The following GPC5 variants were observed in gnomAD, a reference collection of about 807,000 sequenced individuals.
The protein encoded by GPC5 is glypican-5.
A neutral mutation model predicts 53.9 loss-of-function variants in GPC5; 47 were observed. The observed-to-expected ratio is 0.87, with a 90% CI of 0.69 to 1.11. GPC5 has a LOEUF of 1.11. Among genes scored for constraint, GPC5 ranks in the 50% most tolerant of loss-of-function variants. The pLI, the probability that GPC5 is intolerant of heterozygous loss-of-function variation, is 0.00. For synonymous variants in GPC5, 286 were observed against 263.3 expected (o/e 1.09, Z -0.84); for missense variants, 748 against 713.1 (o/e 1.05, Z -0.56).
chr13:91,767,289 T>A (rs1421506796), intron 5 of GPC5, among the ~76,000 whole-genome samples: 1 of 152,230 alleles, frequency 6.6e-6, no homozygotes, highest in African/African-American at 2.4e-5. Context: ...CATCAGATAC[T>A]CCAAACTGGA....
intron 6 of GPC5, among the ~76,000 whole-genome samples, chr13:92,088,905 TG>T (rs2041356247): frequency 6.6e-6 from 1 of 152,136 alleles, no homozygotes; most frequent in Admixed American, 6.6e-5. Flanking sequence ...CATAGTGCAA[TG>T]GTGCCACAGA....
intron 7 of GPC5, among the ~76,000 whole-genome samples, chr13:92,765,124 G>T (rs1875344649): frequency 6.6e-6 from 1 of 152,260 alleles, no homozygotes; most frequent in Non-Finnish European, 1.5e-5. Flanking sequence ...GGACAAGTTG[G>T]TGATTTTGTT....
intron 2 of GPC5, among the ~76,000 whole-genome samples, chr13:91,482,706 A>G (rs1425207418): frequency 3.3e-5 from 5 of 151,912 alleles, no homozygotes; most frequent in African/African-American, 9.7e-5. Context: ...GATTAATGTC[A>G]CCCCCTGCCA....
rs12876974 is a variant in GPC5 at position 92,352,989 on chromosome 13, G to A, written c.1561+208000G>A. Among the ~76,000 whole-genome samples the A allele has an allele frequency of 1.0e-2, 1,521 of 152,170 alleles. 27 individuals carry two copies. Among genetic ancestry groups the A allele is most frequent in the Middle Eastern group, 0.048 (14 of 294 alleles). On this transcript the variant is annotated intron_variant, in intron 7 of 7. Transcript: ENST00000377067. ...TTGAAATGTGTATCAGGCCGGGCGC[G>A]GTGGCTCACGCCTGTAATCCCAGCA...
intron 6 of GPC5, among the ~76,000 whole-genome samples, chr13:92,106,077 AT>A (rs2041507265): frequency 6.6e-6 from 1 of 152,014 alleles, no homozygotes; most frequent in South Asian, 2.1e-4. Context: ...CTGTTTAATT[AT>A]GGAGCTTTTC....
intron 7 of GPC5, among the ~76,000 whole-genome samples, chr13:92,168,993 G>C (rs146332614): frequency 6.6e-6 from 1 of 152,068 alleles, no homozygotes; most frequent in African/African-American, 2.4e-5. Context: ...GGAATACTTC[G>C]CAGCCATAAA....
At chr13:92,678,687 A>G (rs1887024215) in intron 7 of GPC5, among the ~76,000 whole-genome samples, 1 of 152,160 alleles carries the variant, frequency 6.6e-6, no homozygotes, top group Non-Finnish European at 1.5e-5. Flanking sequence ...GGAGATTTCT[A>G]TGGAGGTGAA....
At chr13:92,691,697 A>C (rs1160267619) in intron 7 of GPC5, among the ~76,000 whole-genome samples, 1 of 152,108 alleles carries the variant, frequency 6.6e-6, no homozygotes, top group Non-Finnish European at 1.5e-5. Context: ...ATTCATTAAC[A>C]TGACATAATT....
chr13:92,060,993 A>G (rs2138852721), intron 6 of GPC5, among the ~76,000 whole-genome samples: 1 of 152,156 alleles, frequency 6.6e-6, no homozygotes, highest in Middle Eastern at 3.4e-3. Context: ...TTCTAAGACA[A>G]TGACTGCAAA....
intron 7 of GPC5, among the ~76,000 whole-genome samples, chr13:92,499,914 T>C (rs1880118077): frequency 6.6e-6 from 1 of 152,186 alleles, no homozygotes; most frequent in Non-Finnish European, 1.5e-5. Context: ...ATTTTCAGTT[T>C]GGGATAAAAT....
chr13:91,563,821 G>A lies in GPC5; in HGVS notation c.325+114899G>A, dbSNP rs889912396. Among the ~76,000 whole-genome samples, 12 of 151,826 alleles carry A rather than the reference G, an allele frequency of 7.9e-5. No homozygotes were observed. The South Asian group carries it at 1.3e-3, about 16-fold the overall frequency. On this transcript the variant is annotated intron_variant, in intron 2 of 7. Transcript: ENST00000377067. ...TCAATGTTGCTGCCAGCCTCCTCTC[G>A]GAGGACCCTCTTCTCTCTGACCATT...
intron 2 of GPC5, among the ~76,000 whole-genome samples, chr13:91,642,251 C>T (rs1046576639): frequency 6.6e-6 from 1 of 152,122 alleles, no homozygotes; most frequent in Non-Finnish European, 1.5e-5. Flanking sequence ...TAATCTTTAA[C>T]TCATAATCTG....
At chr13:92,504,147 T>G (rs1880283177) in intron 7 of GPC5, among the ~76,000 whole-genome samples, 1 of 152,006 alleles carries the variant, frequency 6.6e-6, no homozygotes, top group South Asian at 2.1e-4. Context: ...AAAGAACTTC[T>G]GTAACTAATA....
intron 2 of GPC5, among the ~76,000 whole-genome samples, chr13:91,527,451 G>C (rs1287226526): frequency 6.6e-6 from 1 of 152,238 alleles, no homozygotes. Flanking sequence ...CCAAGGCCTT[G>C]GGCAGCTCTG....
chr13:92,863,061 A>T (rs1216408580), intron 7 of GPC5, among the ~76,000 whole-genome samples: 5 of 152,172 alleles, frequency 3.3e-5, no homozygotes, highest in Non-Finnish European at 7.3e-5. Context: ...CTTGATTAAT[A>T]CCCCAAAGTA....
chr13:92,205,615 C>G (rs1447657209), intron 7 of GPC5, among the ~76,000 whole-genome samples: 1 of 152,144 alleles, frequency 6.6e-6, no homozygotes, highest in African/African-American at 2.4e-5. Context: ...TTTGGCCAAG[C>G]CTTTCTTACA....
Position 91,811,852 on chromosome 13 carries a change from C to T in GPC5, c.1280+55432C>T, listed in dbSNP as rs369000269. Among the ~76,000 whole-genome samples, 10 of 152,300 alleles carry T rather than the reference C, an allele frequency of 6.6e-5. No individual in the cohort carries two copies. In the East Asian group the frequency reaches 7.7e-4, roughly 12 times the overall value. On this transcript the variant is annotated intron_variant, in intron 5 of 7. Coordinates refer to ENST00000377067, the MANE Select transcript of GPC5 (RefSeq NM_004466.6). ...TGAATCTGTAGCTTAAAAGCAGTCA[C>T]ACATTGGTAACATCTTTCCTGAATT...
At chr13:92,476,142 C>T (rs898877999) in intron 7 of GPC5, among the ~76,000 whole-genome samples, 1 of 152,116 alleles carries the variant, frequency 6.6e-6, no homozygotes, top group African/African-American at 2.4e-5. Flanking sequence ...GCAACCTACT[C>T]ATCTGACAAA....
chr13:91,689,222 TATATATATAC>T (rs1220789206), intron 2 of GPC5, among the ~76,000 whole-genome samples: 1,870 of 113,388 alleles, frequency 0.016, 36 homozygotes, highest in East Asian at 0.029. Context: ...TATATATATA[TATATATATAC>T]ACATATAAAA....
Sources: gnomAD v4.1 joint callset for allele counts (sites outside exome capture counted in the v4.1 genomes callset) on GRCh38, gnomAD v4.1.1 for gene constraint, MANE v1.5 for transcripts, NCBI Gene and HGNC (gene_info 2026-07-23, HGNC 2026-07-21) for gene names.